HDAC4: variants seen among roughly 807,000 people sequenced by gnomAD.
HDAC4 encodes the protein histone deacetylase A.
Under a neutral mutation model 135.1 loss-of-function variants are expected in HDAC4, and 16 were observed. The observed-to-expected ratio is 0.12, with a 90% CI of 0.08 to 0.18. The LOEUF is 0.18. HDAC4 is among the 10% of genes least tolerant of loss of function. HDAC4 has a pLI of 1.00. For synonymous variants in HDAC4, 685 were observed against 653.4 expected (o/e 1.05, Z -0.74); for missense variants, 1,143 against 1,511.8 (o/e 0.76, Z 4.05).
intron 4 of HDAC4, among the ~76,000 whole-genome samples, chr2:239,181,075 G>C (rs916055915): frequency 2.6e-5 from 4 of 152,242 alleles, no homozygotes; most frequent in African/African-American, 9.6e-5. Context: ...ACACAGCAAG[G>C]ATTTACAGCA....
At chr2:239,119,805 A>T (rs528800953) in intron 12 of HDAC4, among the ~76,000 whole-genome samples, 2 of 152,158 alleles carry the variant, frequency 1.3e-5, no homozygotes, top group Non-Finnish European at 2.9e-5. Flanking sequence ...CCTGTGCCAC[A>T]GGAAGGTGCT....
In HDAC4 at chr2:239,126,354, G is replaced by A. The variant is rs1030664608; in HGVS notation, c.1533+102C>T. The A allele has an allele frequency of 1.1e-5, 17 of 1,587,942 alleles. 1 individual carries two copies. Among genetic ancestry groups the A allele is most frequent in the Middle Eastern group, 4.4e-4 (2 of 4,532 alleles). ...CTCGGTTCCCTCTTTCTGCCTCCTG[G>A]CCTCCCTTAAGGTCAGAAAGGGGCC... On this transcript the variant is annotated intron_variant, in intron 12 of 26. Transcript: ENST00000543185.
chr2:239,154,354 G>A (rs1559522582), intron 7 of HDAC4, among the ~76,000 whole-genome samples: 1 of 152,194 alleles, frequency 6.6e-6, no homozygotes, highest in Admixed American at 6.5e-5. Context: ...TGCCACAGCC[G>A]TGAGGATGTG....
intron 1 of HDAC4, among the ~76,000 whole-genome samples, chr2:239,377,770 G>A (rs1695123251): frequency 6.6e-6 from 1 of 152,124 alleles, no homozygotes; most frequent in Non-Finnish European, 1.5e-5. Context: ...CACCTGCCAG[G>A]ATGCAAGACG....
intron 22 of HDAC4, among the ~76,000 whole-genome samples, chr2:239,073,419 G>T (rs2034401715): frequency 6.6e-6 from 1 of 152,232 alleles, no homozygotes; most frequent in South Asian, 2.1e-4. Context: ...CAGTCTGTGG[G>T]CCACACGGTC....
At chr2:239,176,710 T>G in intron 4 of HDAC4, 147 bp from the exon 5 acceptor site, 1 of 676,790 alleles carries the variant, frequency 1.5e-6, no homozygotes, top group South Asian at 1.9e-5. Flanking sequence ...CTGCTGCTAT[T>G]TCAGTCCAAA....
In HDAC4 at chr2:239,357,509, A is replaced by G. The variant is rs1422650652; in HGVS notation, c.-219-4591T>C. On this transcript the variant is annotated intron_variant, in intron 1 of 26. Coordinates refer to ENST00000543185, the MANE Select transcript of HDAC4 (RefSeq NM_001378414.1). Reference sequence around the variant, plus strand: ...ACAGAGAAAAATCAATGAAACTAAAAGCTGATTCTTTGAGACTATAAAATT... The same window carrying G: ...ACAGAGAAAAATCAATGAAACTAAAGGCTGATTCTTTGAGACTATAAAATT... Among the ~76,000 whole-genome samples the G allele has an allele frequency of 2.0e-5, 3 of 152,166 alleles. No homozygotes were observed. The South Asian group carries it at 6.2e-4, about 32-fold the overall frequency.
In HDAC4 at chr2:239,377,841, C is replaced by T. The variant is rs546799595; in HGVS notation, c.-220+23137G>A. On this transcript the variant is annotated intron_variant, in intron 1 of 26. Transcript: ENST00000543185. Reference sequence around the variant, plus strand: ...CAAGCCCAGGCCCAAGACTGATCACCGCGCTGAGCTCAGCTGCCGCCACCT... The same window carrying T: ...CAAGCCCAGGCCCAAGACTGATCACTGCGCTGAGCTCAGCTGCCGCCACCT... Among the ~76,000 whole-genome samples the T allele has an allele frequency of 1.3e-3, 198 of 152,256 alleles. 2 individuals are homozygous for T. Among genetic ancestry groups the T allele is most frequent in the African/African-American group, 4.4e-3 (183 of 41,564 alleles).
chr2:239,108,242 C>A, intron 14 of HDAC4, 59 bp from the exon 15 acceptor site: 1 of 1,553,986 alleles, frequency 6.4e-7, no homozygotes, highest in African/African-American at 1.4e-5. Flanking sequence ...CGACCACCCA[C>A]TGGCAGGCTG....
intron 3 of HDAC4, among the ~76,000 whole-genome samples, chr2:239,209,472 G>A (rs1025773896): frequency 5.3e-5 from 8 of 152,144 alleles, no homozygotes; most frequent in Non-Finnish European, 1.0e-4. Context: ...ACTATTCTAC[G>A]GGGAACAAAA....
intron 2 of HDAC4, among the ~76,000 whole-genome samples, chr2:239,346,845 T>C (rs1413880986): frequency 7.5e-6 from 1 of 132,754 alleles, no homozygotes; most frequent in Admixed American, 7.6e-5. Flanking sequence ...ACACACACCC[T>C]GTCTCACACA....
chr2:239,396,853 G>A (rs977430016), intron 1 of HDAC4, among the ~76,000 whole-genome samples: 5 of 152,186 alleles, frequency 3.3e-5, no homozygotes, highest in African/African-American at 4.8e-5. Context: ...TCAACAGACC[G>A]AACAACAAAC....
chr2:239,292,444 A>T (rs1440847705), intron 2 of HDAC4, among the ~76,000 whole-genome samples: 1 of 152,236 alleles, frequency 6.6e-6, no homozygotes, highest in East Asian at 1.9e-4. Flanking sequence ...CCCGCTGTCC[A>T]TCTGGAGCAC....
At position 239,240,849 on chromosome 2, in the gene HDAC4, A is replaced by G. The variant is rs573736616; in HGVS notation, c.23-4185T>C. ...CAGCCTGAACTGAGCATTGTTTGAG[A>G]CTCGGAGTCCGCCCATGGGAGGAAC... On this transcript the variant is annotated intron_variant, in intron 2 of 26. Coordinates refer to ENST00000543185, the MANE Select transcript of HDAC4 (RefSeq NM_001378414.1). This position sits in a 1 kb window ranked among gnomAD's most constrained non-coding sequence, Gnocchi z 4.5. Among the ~76,000 whole-genome samples, 53 of 152,242 alleles carry G rather than the reference A, an allele frequency of 3.5e-4. No homozygotes were observed. The highest frequency in any genetic ancestry group is 6.9e-4 in the Non-Finnish European group (47 of 68,012).
intron 3 of HDAC4, among the ~76,000 whole-genome samples, chr2:239,200,700 AT>A (rs1397967811): frequency 2.6e-5 from 4 of 152,234 alleles, no homozygotes; most frequent in Admixed American, 2.6e-4. Flanking sequence ...CAAAGAGAAG[AT>A]ACAGTGGTAT....
At chr2:239,345,901 C>T (rs1272299355) in intron 2 of HDAC4, among the ~76,000 whole-genome samples, 2 of 150,744 alleles carry the variant, frequency 1.3e-5, no homozygotes, top group African/African-American at 4.9e-5. Context: ...AACACACACA[C>T]ACCCCCATCT....
At chr2:239,103,734 C>T (rs1451463710) in intron 15 of HDAC4, among the ~76,000 whole-genome samples, 2 of 152,366 alleles carry the variant, frequency 1.3e-5, no homozygotes, top group East Asian at 1.9e-4. Flanking sequence ...GGTGTCCACC[C>T]TGTATGTGAG....
At chr2:239,215,662 A>G (rs921294716) in intron 3 of HDAC4, among the ~76,000 whole-genome samples, 3 of 152,156 alleles carry the variant, frequency 2.0e-5, no homozygotes, top group Non-Finnish European at 4.4e-5. Context: ...CCTCTCTCTA[A>G]TCTCCAGACA....
intron 2 of HDAC4, among the ~76,000 whole-genome samples, chr2:239,253,702 G>A (rs996440752): frequency 6.6e-6 from 1 of 152,154 alleles, no homozygotes; most frequent in African/African-American, 2.4e-5. Flanking sequence ...CCCTAATATT[G>A]TAGGCAGAGT....
Sources: allele counts gnomAD v4.1 joint callset (sites outside exome capture counted in the v4.1 genomes callset), GRCh38; gene constraint gnomAD v4.1.1; non-coding constraint Gnocchi (gnomAD v3.1); transcripts MANE v1.5; gene names NCBI Gene and HGNC (gene_info 2026-07-23, HGNC 2026-07-21).